CAB39L: variants seen among roughly 807,000 people sequenced by gnomAD.
The protein encoded by CAB39L is calcium-binding protein 39-like.
CAB39L carries 23 observed loss-of-function variants against 39.1 expected under a neutral mutation model. The ratio of observed to expected loss-of-function variants is 0.59; its 90% CI spans 0.42 to 0.83. CAB39L has a LOEUF of 0.83. Among genes scored for constraint, CAB39L ranks in the 40% least tolerant of loss-of-function variants. The pLI, the probability that CAB39L is intolerant of heterozygous loss-of-function variation, is 0.00. For missense variants in CAB39L, 366 were observed against 391.9 expected (o/e 0.93, Z 0.56); for synonymous variants, 126 against 137.2 (o/e 0.92, Z 0.57).
intron 3 of CAB39L, among the ~76,000 whole-genome samples, chr13:49,427,773 T>A (rs1957265643): frequency 6.6e-6 from 1 of 152,210 alleles, no homozygotes; most frequent in Non-Finnish European, 1.5e-5. Context: ...ATAAACAATA[T>A]AAATTTATTT....
At chr13:49,373,527 G>T (rs571227040) in intron 5 of CAB39L, among the ~76,000 whole-genome samples, 1 of 152,114 alleles carries the variant, frequency 6.6e-6, no homozygotes, top group Non-Finnish European at 1.5e-5. Context: ...ACCAGGAGAG[G>T]CTATTCACGT....
At chr13:49,420,791 C>CTGTT (rs1371791939) in intron 3 of CAB39L, among the ~76,000 whole-genome samples, 1 of 151,956 alleles carries the variant, frequency 6.6e-6, no homozygotes. Flanking sequence ...GTTGGAATTA[C>CTGTT]GAGAATTTGA....
chr13:49,413,883 A>G (rs1957038106), intron 3 of CAB39L: 1 of 152,128 alleles, frequency 6.6e-6, no homozygotes. Flanking sequence ...GTGCCTTTCA[A>G]GTTTTTCTTC....
intron 3 of CAB39L, among the ~76,000 whole-genome samples, chr13:49,419,631 T>C (rs1354914907): frequency 3.3e-5 from 5 of 152,178 alleles, no homozygotes; most frequent in Non-Finnish European, 7.4e-5. Context: ...AAATTTCCAG[T>C]GCTTGAATCA....
chr13:49,434,000 A>G (rs1041634207), intron 2 of CAB39L, 86 bp downstream of exon 2: 1 of 343,264 alleles, frequency 2.9e-6, no homozygotes, highest in Non-Finnish European at 5.7e-6. Context: ...TTCAGTCACC[A>G]GCGACAATTT....
chr13:49,313,429 T>C (rs371963614), intron 10 of CAB39L, among the ~76,000 whole-genome samples: 278 of 149,096 alleles, frequency 1.9e-3, no homozygotes, highest in African/African-American at 6.5e-3. Flanking sequence ...TGCAGTGAGC[T>C]GAGATCGCGC....
At chr13:49,321,289 A>G (rs116034765) in intron 10 of CAB39L, among the ~76,000 whole-genome samples, 18 of 152,336 alleles carry the variant, frequency 1.2e-4, no homozygotes, top group African/African-American at 4.3e-4. Context: ...AGTACTTTGT[A>G]AACTACTTTT....
intron 10 of CAB39L, among the ~76,000 whole-genome samples, chr13:49,311,203 T>C (rs148620872): frequency 3.9e-5 from 6 of 152,294 alleles, no homozygotes; most frequent in East Asian, 1.9e-4. Context: ...CAACAGACCA[T>C]GTATACGACT....
At chr13:49,329,585 ATATATATAT>A (rs1954626387) in intron 10 of CAB39L, among the ~76,000 whole-genome samples, 2 of 116,910 alleles carry the variant, frequency 1.7e-5, no homozygotes, top group Admixed American at 8.8e-5. Context: ...ATATATATAT[ATATATATAT>A]ATAATGATGT....
intron 7 of CAB39L, among the ~76,000 whole-genome samples, chr13:49,345,717 C>A (rs1955130395): frequency 6.6e-6 from 1 of 152,042 alleles, no homozygotes; most frequent in African/African-American, 2.4e-5. Flanking sequence ...TGAACCAGGG[C>A]AGAGGGAGCC....
chr13:49,416,574 G>A (rs1957088334), intron 3 of CAB39L, among the ~76,000 whole-genome samples: 1 of 152,182 alleles, frequency 6.6e-6, no homozygotes, highest in African/African-American at 2.4e-5. Context: ...TAGGCACTAT[G>A]TAACGGAGTA....
chr13:49,324,074 G>T (rs901027068), intron 10 of CAB39L, among the ~76,000 whole-genome samples: 5 of 152,066 alleles, frequency 3.3e-5, no homozygotes, highest in Admixed American at 3.3e-4. Context: ...CACTTTGGGA[G>T]GCCGAGGGAG....
intron 6 of CAB39L, among the ~76,000 whole-genome samples, chr13:49,359,020 T>C (rs1955559286): frequency 2.0e-5 from 3 of 152,100 alleles, no homozygotes; most frequent in Admixed American, 2.0e-4. Flanking sequence ...AACAGCAGAA[T>C]TGAAAACAGG....
chr13:49,421,507 T>A (rs1455340265), intron 3 of CAB39L, among the ~76,000 whole-genome samples: 1 of 152,270 alleles, frequency 6.6e-6, no homozygotes, highest in South Asian at 2.1e-4. Flanking sequence ...TTTAGGAGCC[T>A]GGACTTGCAG....
At chr13:49,362,811 C>A (rs1340617108) in intron 5 of CAB39L, among the ~76,000 whole-genome samples, 1 of 151,954 alleles carries the variant, frequency 6.6e-6, no homozygotes, top group Non-Finnish European at 1.5e-5. Context: ...AATAATCAAA[C>A]TCCCAACATC....
At chr13:49,351,699 G>A (rs1292302793) in intron 6 of CAB39L, among the ~76,000 whole-genome samples, 1 of 152,220 alleles carries the variant, frequency 6.6e-6, no homozygotes, top group African/African-American at 2.4e-5. Flanking sequence ...GAACCCAGGA[G>A]AGGGAACGGG....
chr13:49,377,734 G>T, intron 4 of CAB39L, among the ~76,000 whole-genome samples: 1 of 82,180 alleles, frequency 1.2e-5, no homozygotes, highest in African/African-American at 7.4e-5. Context: ...CGTGATCTCG[G>T]CTCACTACAA....
At chr13:49,320,489 C>T (rs1954309068) in intron 10 of CAB39L, among the ~76,000 whole-genome samples, 1 of 152,216 alleles carries the variant, frequency 6.6e-6, no homozygotes, top group African/African-American at 2.4e-5. Context: ...TTGCACTCTC[C>T]ATTTTAAAAC....
intron 2 of CAB39L, among the ~76,000 whole-genome samples, chr13:49,433,641 C>T (rs888956209): frequency 3.9e-5 from 6 of 152,134 alleles, no homozygotes; most frequent in East Asian, 3.9e-4. Context: ...AAACATAAAG[C>T]GTTAGTTTGG....
Sources: gnomAD v4.1 joint callset for allele counts (sites outside exome capture counted in the v4.1 genomes callset) on GRCh38, gnomAD v4.1.1 for gene constraint, MANE v1.5 for transcripts, NCBI Gene and HGNC (gene_info 2026-07-23, HGNC 2026-07-21) for gene names.